HPSE2: variants seen among roughly 807,000 people sequenced by gnomAD.
HPSE2 encodes the protein heparanase 2 (inactive).
HPSE2 carries 38 observed loss-of-function variants against 60.5 expected under a neutral mutation model. That is an observed-to-expected ratio of 0.63 (90% CI 0.48 to 0.82). HPSE2 has a LOEUF of 0.82. HPSE2 is among the 40% of genes least tolerant of loss of function. The pLI, the probability that HPSE2 is intolerant of heterozygous loss-of-function variation, is 0.00. For missense variants in HPSE2, 713 were observed against 740.4 expected, an observed-to-expected ratio of 0.96 and a Z score of 0.43; for synonymous variants, 295 against 293.2, an observed-to-expected ratio of 1.01 and a Z score of -0.06.
intron 9 of HPSE2, among the ~76,000 whole-genome samples, chr10:98,536,514 T>C (rs138506144): frequency 1.3e-5 from 2 of 151,904 alleles, no homozygotes; most frequent in East Asian, 3.9e-4. Context: ...TTACAAGAGA[T>C]AGGGAAAAAA....
Position 99,159,569 on chromosome 10 carries a change from T to C in HPSE2, c.449-15170A>G, listed in dbSNP as rs139574228. Among the ~76,000 whole-genome samples, 588 of 152,308 alleles carry C rather than the reference T, an allele frequency of 3.9e-3. 3 individuals carry two copies. The highest frequency in any genetic ancestry group is 0.027 in the Middle Eastern group (8 of 294). On this transcript the variant is annotated intron_variant, in intron 2 of 11. Coordinates refer to ENST00000370552, the MANE Select transcript of HPSE2 (RefSeq NM_021828.5). ...AGCTTACTTAACTTTTCTGTACAACTTCTGCAAGTTTTTGTAAGTCTAAAG... is the reference window on the plus strand; with the variant it reads ...AGCTTACTTAACTTTTCTGTACAACCTCTGCAAGTTTTTGTAAGTCTAAAG...
chr10:98,888,149 C>CACACAG (rs1953224132), intron 3 of HPSE2, among the ~76,000 whole-genome samples: 1 of 150,230 alleles, frequency 6.7e-6, no homozygotes, highest in Admixed American at 6.6e-5. Flanking sequence ...CACACACACA[C>CACACAG]ACACACACAC....
chr10:98,963,092 A>G (rs1035556530), intron 3 of HPSE2, among the ~76,000 whole-genome samples: 1 of 152,218 alleles, frequency 6.6e-6, no homozygotes, highest in Non-Finnish European at 1.5e-5. Context: ...TGCACATAGC[A>G]TAAGATTTCT....
At chr10:99,062,529 T>C (rs1305579523) in intron 3 of HPSE2, among the ~76,000 whole-genome samples, 1 of 152,116 alleles carries the variant, frequency 6.6e-6, no homozygotes, top group African/African-American at 2.4e-5. Context: ...TGCATTTTTC[T>C]CTACTTGCCA....
intron 9 of HPSE2, among the ~76,000 whole-genome samples, chr10:98,602,590 A>G (rs1446151892): frequency 1.3e-5 from 2 of 152,146 alleles, no homozygotes; most frequent in African/African-American, 2.4e-5. Flanking sequence ...GTACATATAC[A>G]TATATGTATA....
At chr10:98,898,380 G>T (rs1263144541) in intron 3 of HPSE2, among the ~76,000 whole-genome samples, 46 of 152,100 alleles carry the variant, frequency 3.0e-4, no homozygotes, top group Non-Finnish European at 1.5e-5. Context: ...TCATAAAGTG[G>T]AATCTCATTT....
chr10:98,723,518 G>A (rs1188445907), intron 4 of HPSE2, among the ~76,000 whole-genome samples: 1 of 152,098 alleles, frequency 6.6e-6, no homozygotes, highest in Admixed American at 6.5e-5. Context: ...TCTATTGATT[G>A]GAATAATTTC....
Position 98,880,218 on chromosome 10 carries a change from G to T in HPSE2, c.611-136162C>A, listed in dbSNP as rs552161645. Among the ~76,000 whole-genome samples the T allele has an allele frequency of 1.2e-3, 178 of 152,074 alleles. 2 individuals carry two copies. Among genetic ancestry groups the T allele is most frequent in the African/African-American group, 4.1e-3 (170 of 41,516 alleles). On this transcript the variant is annotated intron_variant, in intron 3 of 11. Transcript: ENST00000370552. The stretch of plus-strand genomic sequence containing the variant: ...TATTTTAGGGTTTTGAGAAATACCA[G>T]ATCCCCAACTCAAAAAGTACACAAA...
intron 6 of HPSE2, among the ~76,000 whole-genome samples, chr10:98,685,215 C>A (rs370041551): frequency 6.6e-6 from 1 of 152,136 alleles, no homozygotes; most frequent in Non-Finnish European, 1.5e-5. Context: ...ATCCTGAACA[C>A]GTCATCAGGC....
intron 4 of HPSE2, among the ~76,000 whole-genome samples, chr10:98,725,810 C>G (rs552824601): frequency 6.6e-6 from 1 of 152,084 alleles, no homozygotes; most frequent in South Asian, 2.1e-4. Context: ...ACAACCCCAT[C>G]AAAAAGTGGG....
At chr10:99,050,236 A>C (rs1237905799) in intron 3 of HPSE2, among the ~76,000 whole-genome samples, 1 of 152,028 alleles carries the variant, frequency 6.6e-6, no homozygotes, top group Non-Finnish European at 1.5e-5. Context: ...CAGGAGTCTG[A>C]GGCTGTAGTG....
intron 3 of HPSE2, among the ~76,000 whole-genome samples, chr10:98,946,938 C>G (rs1209442631): frequency 2.0e-5 from 3 of 151,918 alleles, no homozygotes; most frequent in African/African-American, 7.3e-5. Context: ...AAAAAGTGAG[C>G]ACTTGGAGTT....
At chr10:98,585,656 TA>T (rs570079310) in intron 9 of HPSE2, among the ~76,000 whole-genome samples, 17 of 148,612 alleles carry the variant, frequency 1.1e-4, no homozygotes, top group Non-Finnish European at 2.5e-4. Context: ...TTTTGGTAAG[TA>T]AAAACTTATT....
intron 3 of HPSE2, among the ~76,000 whole-genome samples, chr10:99,089,867 T>C (rs1322066092): frequency 2.0e-5 from 3 of 152,164 alleles, no homozygotes; most frequent in Non-Finnish European, 2.9e-5. Flanking sequence ...TCTTTCATAG[T>C]TTTCCTTGTA....
chr10:98,960,261 T>C (rs1564692105), intron 3 of HPSE2, among the ~76,000 whole-genome samples: 1 of 152,148 alleles, frequency 6.6e-6, no homozygotes, highest in South Asian at 2.1e-4. Context: ...CCCACAGTTG[T>C]TAAGAGTTCT....
At chr10:98,926,965 G>A (rs989166216) in intron 3 of HPSE2, among the ~76,000 whole-genome samples, 1 of 152,154 alleles carries the variant, frequency 6.6e-6, no homozygotes, top group Non-Finnish European at 1.5e-5. Flanking sequence ...TTGCACTGGG[G>A]TCTGAGAGAC....
intron 3 of HPSE2, among the ~76,000 whole-genome samples, chr10:98,920,118 C>T (rs1037628609): frequency 6.6e-6 from 1 of 152,204 alleles, no homozygotes; most frequent in Non-Finnish European, 1.5e-5. Flanking sequence ...GACCCCTATG[C>T]TGCTCCCAGG....
chr10:98,585,579 G>A (rs1167944118), intron 9 of HPSE2, among the ~76,000 whole-genome samples: 1 of 151,530 alleles, frequency 6.6e-6, no homozygotes, highest in Non-Finnish European at 1.5e-5. Flanking sequence ...CTACAGTAGT[G>A]TATTTTCAAA....
At chr10:98,569,103 G>A (rs374068402) in intron 9 of HPSE2, among the ~76,000 whole-genome samples, 1 of 144,674 alleles carries the variant, frequency 6.9e-6, no homozygotes, top group Non-Finnish European at 1.5e-5. Context: ...TTTACTTGTC[G>A]CCCAGGCTGG....
Sources: gnomAD v4.1 joint callset for allele counts (sites outside exome capture counted in the v4.1 genomes callset) on GRCh38, gnomAD v4.1.1 for gene constraint, MANE v1.5 for transcripts, NCBI Gene and HGNC (gene_info 2026-07-23, HGNC 2026-07-21) for gene names.